GALNTL6: variants seen among roughly 807,000 people sequenced by gnomAD.
The protein encoded by GALNTL6 is polypeptide N-acetylgalactosaminyltransferase-like 6.
GALNTL6 carries 46 observed loss-of-function variants against 73.7 expected under a neutral mutation model. The ratio of observed to expected loss-of-function variants is 0.62; its 90% CI spans 0.49 to 0.80. The LOEUF (loss-of-function observed/expected upper bound fraction) is 0.80. GALNTL6 is among the 30% of genes least tolerant of loss of function. The pLI, the probability that GALNTL6 is intolerant of heterozygous loss-of-function variation, is 0.00. For synonymous variants in GALNTL6, 259 were observed against 263.7 expected, an observed-to-expected ratio of 0.98 and a Z score of 0.17; for missense variants, 604 against 755.0, an observed-to-expected ratio of 0.80 and a Z score of 2.34.
chr4:171,975,579 A>T (rs1055885405), intron 2 of GALNTL6, among the ~76,000 whole-genome samples: 1 of 147,982 alleles, frequency 6.8e-6, no homozygotes, highest in African/African-American at 2.6e-5. Flanking sequence ...AACTTAAAAG[A>T]CATACTAGAG....
chr4:172,204,792 T>G (rs1156905661), intron 2 of GALNTL6, among the ~76,000 whole-genome samples: 1 of 152,158 alleles, frequency 6.6e-6, no homozygotes, highest in African/African-American at 2.4e-5. Context: ...GAAGCAGTAG[T>G]CATTGTGCTC....
At chr4:173,016,379 C>A (rs1471813641) in intron 11 of GALNTL6, among the ~76,000 whole-genome samples, 1 of 152,224 alleles carries the variant, frequency 6.6e-6, no homozygotes, top group Non-Finnish European at 1.5e-5. Flanking sequence ...TCAATGCCAG[C>A]CTGCGAAAGC....
At chr4:172,741,683 G>A (rs1736814409) in intron 5 of GALNTL6, among the ~76,000 whole-genome samples, 1 of 151,622 alleles carries the variant, frequency 6.6e-6, no homozygotes. Context: ...AGATATAAGA[G>A]GTAATATTAA....
At chr4:172,103,201 A>G (rs1285024249) in intron 2 of GALNTL6, among the ~76,000 whole-genome samples, 1 of 152,188 alleles carries the variant, frequency 6.6e-6, no homozygotes, top group African/African-American at 2.4e-5. Flanking sequence ...TGCCAGGTAA[A>G]TTCTTCAGAG....
chr4:172,775,594 T>C (rs77449856), intron 5 of GALNTL6, among the ~76,000 whole-genome samples: 3,384 of 152,242 alleles, frequency 0.022, 120 homozygotes, highest in African/African-American at 0.076. Context: ...TAATCTAGGA[T>C]TTTTTCATCT....
chr4:171,959,383 T>C (rs1579007864), intron 2 of GALNTL6, among the ~76,000 whole-genome samples: 1 of 152,244 alleles, frequency 6.6e-6, no homozygotes, highest in East Asian at 1.9e-4. Context: ...TATCAGCCGA[T>C]AGAGCTATTA....
At chr4:171,899,637 T>C (rs1467929486) in intron 2 of GALNTL6, among the ~76,000 whole-genome samples, 1 of 152,196 alleles carries the variant, frequency 6.6e-6, no homozygotes, top group East Asian at 1.9e-4. Flanking sequence ...AAATCACATA[T>C]TTATGTATGC....
chr4:172,640,427 T>A lies in GALNTL6; in HGVS notation c.554-168934T>A, dbSNP rs1404185486. 3.9e-5 allele frequency among the ~76,000 whole-genome samples: 6 copies of A among 152,272 alleles called. No individual in the cohort carries two copies. In the East Asian group the frequency reaches 1.2e-3, roughly 29 times the overall value. On this transcript the variant is annotated intron_variant, in intron 5 of 12. Transcript: ENST00000506823. ...CTCATGTCTTTAAATGCCATTTATA[T>A]GGTATATTAGTCGGCTTGGGCTGCC...
At chr4:172,647,139 G>C (rs1015646755) in intron 5 of GALNTL6, among the ~76,000 whole-genome samples, 2 of 151,986 alleles carry the variant, frequency 1.3e-5, no homozygotes, top group African/African-American at 4.8e-5. Flanking sequence ...GAAAACTCTA[G>C]GCCTTCAAGG....
At chr4:172,397,206 T>G (rs1009061786) in intron 5 of GALNTL6, among the ~76,000 whole-genome samples, 2 of 152,210 alleles carry the variant, frequency 1.3e-5, no homozygotes, top group African/African-American at 4.8e-5. Context: ...GGAGTCTTCA[T>G]ATTACATATG....
intron 5 of GALNTL6, among the ~76,000 whole-genome samples, chr4:172,370,712 C>T (rs1422750992): frequency 1.3e-5 from 2 of 151,352 alleles, no homozygotes; most frequent in African/African-American, 2.4e-5. Context: ...GGTGGCATCT[C>T]ATACTATCCG....
chr4:172,782,920 G>A (rs12645440), intron 5 of GALNTL6, among the ~76,000 whole-genome samples: 21,765 of 151,996 alleles, frequency 0.14, 1,812 homozygotes, highest in Admixed American at 0.24. Context: ...CGAAGAGCTT[G>A]TTATGCATGG....
chr4:172,263,131 G>A lies in GALNTL6; in HGVS notation c.247+33367G>A, dbSNP rs76368213. 3.2e-3 allele frequency among the ~76,000 whole-genome samples: 487 copies of A among 151,408 alleles called. 2 individuals carry two copies. The highest frequency in any genetic ancestry group is 0.011 in the African/African-American group (467 of 41,452). ...TCTATTAGCAATGAATTTCCCAGCC[G>A]TTCTTTGAGCTTCTTTTATTTGGAT... On this transcript the variant is annotated intron_variant, in intron 3 of 12. Transcript: ENST00000506823.
chr4:172,896,507 T>C (rs906652798), intron 8 of GALNTL6, among the ~76,000 whole-genome samples: 1 of 152,186 alleles, frequency 6.6e-6, no homozygotes, highest in Non-Finnish European at 1.5e-5. Flanking sequence ...GGTTCAAGCC[T>C]AGAAGACTGT....
chr4:173,038,677 C>A (rs1753790811), intron 12 of GALNTL6, among the ~76,000 whole-genome samples: 1 of 152,162 alleles, frequency 6.6e-6, no homozygotes, highest in Non-Finnish European at 1.5e-5. Context: ...AACTAAATTG[C>A]CTGCAGGTTG....
chr4:172,390,740 G>T (rs1458389433), intron 5 of GALNTL6, among the ~76,000 whole-genome samples: 5 of 152,102 alleles, frequency 3.3e-5, no homozygotes, highest in Non-Finnish European at 5.9e-5. Context: ...TAAGTATGAC[G>T]TAAAATGCGA....
intron 2 of GALNTL6, among the ~76,000 whole-genome samples, chr4:172,178,652 CTT>C (rs376927709): frequency 2.1e-3 from 285 of 135,494 alleles, no homozygotes; most frequent in Middle Eastern, 3.8e-3. Context: ...GACACATTTT[CTT>C]TTTTTTTTTT....
intron 3 of GALNTL6, among the ~76,000 whole-genome samples, chr4:172,271,325 C>T (rs1349752978): frequency 1.3e-5 from 2 of 152,046 alleles, no homozygotes; most frequent in Non-Finnish European, 2.9e-5. Context: ...CAAGAAATGT[C>T]CATTCTTTAT....
At chr4:172,595,082 G>A (rs1401190825) in intron 5 of GALNTL6, among the ~76,000 whole-genome samples, 1 of 152,112 alleles carries the variant, frequency 6.6e-6, no homozygotes, top group Admixed American at 6.5e-5. Flanking sequence ...TTTTATAAGT[G>A]CACTAATCCC....
Sources: gnomAD v4.1 joint callset for allele counts (sites outside exome capture counted in the v4.1 genomes callset) on GRCh38, gnomAD v4.1.1 for gene constraint, MANE v1.5 for transcripts, NCBI Gene and HGNC (gene_info 2026-07-23, HGNC 2026-07-21) for gene names.